MGAT5: variants seen among roughly 807,000 people sequenced by gnomAD.
MGAT5 encodes the protein alpha-1,6-mannosylglycoprotein 6-beta-N-acetylglucosaminyltransferase.
MGAT5 carries 30 observed loss-of-function variants against 94.3 expected under a neutral mutation model. That is an observed-to-expected ratio of 0.32 (90% CI 0.24 to 0.43). The LOEUF (loss-of-function observed/expected upper bound fraction) is 0.43. MGAT5 is among the 20% of genes least tolerant of loss of function. MGAT5 has a pLI of 1.00. For synonymous variants in MGAT5, 310 were observed against 322.9 expected, an observed-to-expected ratio of 0.96 and a Z score of 0.43; for missense variants, 691 against 905.5, an observed-to-expected ratio of 0.76 and a Z score of 3.04.
chr2:134,317,616 G>C lies in MGAT5; in HGVS notation c.483+11G>C, dbSNP rs781199100. ...GAGGGAAAGATCAAGGTAAGGCAGAGGCAAGCATCATCCCCAATCTGCACA... is the reference window on the plus strand; with the variant it reads ...GAGGGAAAGATCAAGGTAAGGCAGACGCAAGCATCATCCCCAATCTGCACA... On this transcript the variant is annotated intron_variant, in intron 3 of 15. Transcript: ENST00000281923. 4.6e-6 allele frequency: 7 copies of C among 1,526,336 alleles called. No individual in the cohort carries two copies. In the South Asian group the frequency reaches 8.9e-5, roughly 19 times the overall value. 94.5% of individuals were successfully genotyped at this position (1,526,336 alleles called of 1,614,324 possible). A position where few individuals can be genotyped will look rare whatever the true frequency, so the allele number is the denominator to read the frequency against.
At chr2:134,143,355 T>C (rs1166954029) in intron 1 of MGAT5, among the ~76,000 whole-genome samples, 1 of 152,208 alleles carries the variant, frequency 6.6e-6, no homozygotes, top group Non-Finnish European at 1.5e-5. Context: ...TTTATTAATA[T>C]CTCAATTTGA....
At chr2:134,419,251 G>A (rs72980077) in intron 12 of MGAT5, among the ~76,000 whole-genome samples, 3,509 of 152,182 alleles carry the variant, frequency 0.023, 107 homozygotes, top group African/African-American at 0.071. Flanking sequence ...TTTTTGTGCT[G>A]GACCATTTTT....
intron 10 of MGAT5, among the ~76,000 whole-genome samples, chr2:134,380,894 A>ATCTGATACT (rs1411529274): frequency 3.3e-5 from 5 of 152,194 alleles, no homozygotes; most frequent in African/African-American, 9.6e-5. Flanking sequence ...GCCTTTATGG[A>ATCTGATACT]TCTGATACTC....
At chr2:134,339,110 G>A (rs1470997932) in intron 6 of MGAT5, among the ~76,000 whole-genome samples, 1 of 152,116 alleles carries the variant, frequency 6.6e-6, no homozygotes, top group African/African-American at 2.4e-5. Context: ...TGATATGTTT[G>A]AAAAAGAAAA....
intron 2 of MGAT5, among the ~76,000 whole-genome samples, chr2:134,313,525 A>G (rs569124758): frequency 3.3e-5 from 5 of 152,280 alleles, no homozygotes; most frequent in African/African-American, 1.2e-4. Flanking sequence ...GGGCTGGTGT[A>G]AGGGTAACGG....
chr2:134,336,179 G>T, intron 4 of MGAT5, 38 bp from the exon 5 acceptor site: 2 of 1,532,994 alleles, frequency 1.3e-6, no homozygotes, highest in Non-Finnish European at 1.8e-6. Flanking sequence ...ATTCATTATA[G>T]ATGAAGCTGC....
intron 1 of MGAT5, among the ~76,000 whole-genome samples, chr2:134,124,669 C>T (rs1685760721): frequency 6.6e-6 from 1 of 152,342 alleles, no homozygotes; most frequent in Non-Finnish European, 1.5e-5. Context: ...GAATATTTCT[C>T]CACTCTATTT....
intron 1 of MGAT5, among the ~76,000 whole-genome samples, chr2:134,127,951 CA>C (rs994633326): frequency 2.0e-5 from 3 of 152,028 alleles, no homozygotes; most frequent in African/African-American, 7.2e-5. Flanking sequence ...AGTCTGTGGA[CA>C]TTTTTTTTTT....
Position 134,205,041 on chromosome 2 carries a change from C to T in MGAT5, c.-142-49221C>T, listed in dbSNP as rs76731966. ...ACAGCAGAAGGAGCAGCAAGTGCAA[C>T]GGCCATGGGTCAGGAACAAGCTTCG... On this transcript the variant is annotated intron_variant, in intron 1 of 16. Coordinates refer to the MGAT5 transcript ENST00000409645. Among the ~76,000 whole-genome samples the T allele has an allele frequency of 4.6e-3, 693 of 152,210 alleles. 6 individuals carry two copies. Among genetic ancestry groups the T allele is most frequent in the African/African-American group, 0.016 (645 of 41,504 alleles).
chr2:134,228,320 A>G lies in MGAT5; in HGVS notation c.-142-25942A>G, dbSNP rs76938712. On this transcript the variant is annotated intron_variant, in intron 1 of 16. Transcript: ENST00000409645. ...GCATTGTAGATGCTTAAATGCTTAG[A>G]GTCTGCCCTTGGCAAATTATAGGGT... 5.1e-3 allele frequency among the ~76,000 whole-genome samples: 776 copies of G among 152,354 alleles called. 1 individual carries two copies. Among genetic ancestry groups the G allele is most frequent in the Middle Eastern group, 0.01 (3 of 294 alleles).
In MGAT5 at chr2:134,403,144, A is replaced by T; in HGVS notation, c.1530+7A>T. ...CCTTCTTCGAGAAACCAAGGTAAAAATTCACCACGGATGTGGTGTTCAGGT... is the reference window on the plus strand; with the variant it reads ...CCTTCTTCGAGAAACCAAGGTAAAATTTCACCACGGATGTGGTGTTCAGGT... On this transcript the variant is annotated splice_region_variant and intron_variant, in intron 11 of 15. Coordinates refer to ENST00000281923, the MANE Select transcript of MGAT5 (RefSeq NM_002410.5). The T allele has an allele frequency of 1.2e-6, 2 of 1,601,316 alleles. No homozygotes were observed. The highest frequency in any genetic ancestry group is 1.7e-6 in the Non-Finnish European group (2 of 1,177,100).
At position 134,386,169 on chromosome 2, in the gene MGAT5, A is replaced by G. The variant is rs185798328; in HGVS notation, c.1381-16819A>G. Among the ~76,000 whole-genome samples the G allele has an allele frequency of 9.8e-4, 150 of 152,352 alleles. No homozygotes were observed. The Middle Eastern group carries it at 0.014, about 14-fold the overall frequency. On this transcript the variant is annotated intron_variant, in intron 10 of 15. Coordinates refer to ENST00000281923, the MANE Select transcript of MGAT5 (RefSeq NM_002410.5). ...ATTAGCTTGCAGTTGGACCATGGAA[A>G]AATCACTTAAGCATCAGGATGAGAA...
intron 1 of MGAT5, among the ~76,000 whole-genome samples, chr2:134,183,552 A>G (rs1236469140): frequency 6.6e-6 from 1 of 152,236 alleles, no homozygotes; most frequent in Non-Finnish European, 1.5e-5. Flanking sequence ...TCTGAGTAGT[A>G]GTAGTCTTGT....
intron 10 of MGAT5, among the ~76,000 whole-genome samples, chr2:134,384,306 G>A (rs1317231134): frequency 1.3e-5 from 2 of 150,970 alleles, no homozygotes; most frequent in African/African-American, 4.9e-5. Context: ...GGCATACAAT[G>A]CTCTTGCCCC....
At chr2:134,177,175 T>TGTGTGTGTGTGTGTGTGTGTG (rs1275777732) in intron 1 of MGAT5, among the ~76,000 whole-genome samples, 1 of 23,428 alleles carries the variant, frequency 4.3e-5, no homozygotes, top group African/African-American at 4.2e-4. Flanking sequence ...GTATCTCTAT[T>TGTGTGTGTGTGTGTGTGTGTG]TATAGTAATC....
chr2:134,218,883 G>T (rs960216419), intron 1 of MGAT5, among the ~76,000 whole-genome samples: 2 of 152,116 alleles, frequency 1.3e-5, no homozygotes, highest in Non-Finnish European at 2.9e-5. Context: ...TATACTTCAC[G>T]TGGTTCCTTA....
chr2:134,402,682 A>T (rs1358041738), intron 10 of MGAT5, among the ~76,000 whole-genome samples: 2 of 152,226 alleles, frequency 1.3e-5, no homozygotes, highest in African/African-American at 4.8e-5. Flanking sequence ...TGATATTTCA[A>T]AACAGTTGGC....
At chr2:134,153,503 T>G (rs1228866794) in intron 1 of MGAT5, among the ~76,000 whole-genome samples, 2 of 152,196 alleles carry the variant, frequency 1.3e-5, no homozygotes, top group Non-Finnish European at 2.9e-5. Flanking sequence ...TGGTGTCACA[T>G]GGTGGGAGAT....
At chr2:134,432,011 T>C (rs1273584758) in intron 14 of MGAT5, among the ~76,000 whole-genome samples, 1 of 152,242 alleles carries the variant, frequency 6.6e-6, no homozygotes, top group South Asian at 2.1e-4. Context: ...AAATGAGCTT[T>C]CTCAAAGAGA....
Sources: allele counts gnomAD v4.1 joint callset (sites outside exome capture counted in the v4.1 genomes callset), GRCh38; gene constraint gnomAD v4.1.1; transcripts MANE v1.5; gene names NCBI Gene and HGNC (gene_info 2026-07-23, HGNC 2026-07-21).